The following DOCK9 variants were observed in gnomAD, a reference collection of about 807,000 sequenced individuals.
The protein encoded by DOCK9 is dedicator of cytokinesis 9, also known as dedicator of cytokinesis protein 9.
DOCK9 carries 89 observed loss-of-function variants against 263.3 expected under a neutral mutation model. The ratio of observed to expected loss-of-function variants is 0.34; its 90% CI spans 0.28 to 0.40. DOCK9 has a LOEUF of 0.40. DOCK9 is among the 10% of genes least tolerant of loss of function. The pLI, the probability that DOCK9 is intolerant of heterozygous loss-of-function variation, is 1.00. For missense variants in DOCK9, 2,140 were observed against 2,603.4 expected (o/e 0.82, Z 3.87); for synonymous variants, 976 against 973.1 (o/e 1.00, Z -0.06).
At chr13:99,033,591 G>A (rs370463202) in intron 1 of DOCK9, among the ~76,000 whole-genome samples, 1 of 152,284 alleles carries the variant, frequency 6.6e-6, no homozygotes, top group African/African-American at 2.4e-5. Flanking sequence ...ATCTTTGATC[G>A]CGCAGGTGGT....
At chr13:98,938,144 C>G (rs1380066331) in intron 2 of DOCK9, among the ~76,000 whole-genome samples, 1 of 152,228 alleles carries the variant, frequency 6.6e-6, no homozygotes, top group African/African-American at 2.4e-5. Flanking sequence ...CAGTAGCAGC[C>G]AATACGTTAC....
intron 1 of DOCK9, among the ~76,000 whole-genome samples, chr13:99,070,931 AC>A (rs1200014869): frequency 1.3e-5 from 2 of 152,230 alleles, no homozygotes; most frequent in African/African-American, 4.8e-5. Context: ...TTTTCCGTGA[AC>A]AAAATATTGC....
Position 98,901,802 on chromosome 13 carries a change from A to G in DOCK9, c.1479T>C (p.Tyr493=). 1 of 1,612,846 alleles carries G rather than the reference A, an allele frequency of 6.2e-7. No homozygotes were observed. Among genetic ancestry groups the G allele is most frequent in the Non-Finnish European group, 8.5e-7 (1 of 1,179,380 alleles). Residue 493 remains tyrosine, a synonymous_variant, in exon 13 of 53, where the codon TAT becomes TAC. Coordinates refer to ENST00000682017, the MANE Select transcript of DOCK9 (RefSeq NM_001366683.2). ...QGSITHCAEP[Y]MKSSDSSKVA... is the part of the protein sequence containing the mutation. Reference sequence around the variant, plus strand: ...CCTTAGAAGAGTCTGAACTTTTCATATATGGCTCAGCGCAATGTGTGATGC... The same window carrying G: ...CCTTAGAAGAGTCTGAACTTTTCATGTATGGCTCAGCGCAATGTGTGATGC...
chr13:99,001,263 G>T (rs1882248717), intron 1 of DOCK9, among the ~76,000 whole-genome samples: 1 of 152,088 alleles, frequency 6.6e-6, no homozygotes, highest in African/African-American at 2.4e-5. Context: ...ACTTAAATTT[G>T]GTTTCAAAAT....
rs776458318 is a variant in DOCK9 at position 98,829,429 on chromosome 13, G to T, written c.4843C>A (p.Pro1615Thr). 9.2e-5 allele frequency: 148 copies of T among 1,613,840 alleles called. No homozygotes were observed. Among genetic ancestry groups the T allele is most frequent in the Non-Finnish European group, 1.2e-4 (143 of 1,179,898 alleles). Residue 1615 changes from proline (P) to threonine (T), a missense_variant, in exon 43 of 53, where the codon CCA becomes ACA. By Grantham distance (38) the Pro-to-Thr change is conservative. Transcript: ENST00000682017. This position sits in a 1 kb window ranked among gnomAD's most constrained non-coding sequence, Gnocchi z 4.1. ...TAQMKEHEND[P>T]EMLVDLQYSL... ...TACTGGAGGTCCACCAGCATCTCTGGGTCGTTCTCATGCTCCTTCATCTGG... is the reference window on the plus strand; with the variant it reads ...TACTGGAGGTCCACCAGCATCTCTGTGTCGTTCTCATGCTCCTTCATCTGG...
chr13:98,922,140 C>T lies in DOCK9; in HGVS notation c.493G>A (p.Ala165Thr). 6.3e-7 allele frequency: 1 copy of T among 1,592,340 alleles called. No homozygotes were observed. The highest frequency in any genetic ancestry group is 8.6e-7 in the Non-Finnish European group (1 of 1,169,376). Reference sequence around the variant, plus strand: ...CCACCCTTCTGGGAACCAAGGGAGGCAGCATCCTAGGAGAGAAGGAAAACA... The same window carrying T: ...CCACCCTTCTGGGAACCAAGGGAGGTAGCATCCTAGGAGAGAAGGAAAACA... ...DEEVDKDEDA[A>T]SLGSQKGGIT... The change falls in exon 6 of 53, where the codon GCC (alanine) becomes ACC (threonine). Residue 165 changes from alanine to threonine, a missense_variant. This residue lies in a region of DOCK9 where 1,521 missense variants were observed against 1,741.7 expected (regional missense o/e 0.87). Transcript: ENST00000682017.
chr13:99,087,423 T>TG (rs2042372941), upstream of DOCK9, among the ~76,000 whole-genome samples: 1 of 151,944 alleles, frequency 6.6e-6, no homozygotes, highest in Non-Finnish European at 1.5e-5. Context: ...CGGCCCTCAC[T>TG]GGGGCCGATT....
chr13:98,819,584 G>C lies in DOCK9; in HGVS notation c.5130+4814C>G, dbSNP rs2092134460. Among the ~76,000 whole-genome samples the C allele has an allele frequency of 2.0e-5, 3 of 152,316 alleles. No homozygotes were observed. In the South Asian group the frequency reaches 6.2e-4, roughly 32 times the overall value. ...AAATGAAGTAGGGCAGTATGTGCTG[G>C]CATCCGGCAAAGGCAGAACAGCCAC... On this transcript the variant is annotated intron_variant, in intron 45 of 52. Coordinates refer to ENST00000682017, the MANE Select transcript of DOCK9 (RefSeq NM_001366683.2).
At chr13:98,868,135 C>T in intron 28 of DOCK9, 96 bp downstream of exon 28, 1 of 1,551,880 alleles carries the variant, frequency 6.4e-7, no homozygotes. Context: ...TCAACATTGC[C>T]AGAGCACCTA....
At chr13:98,933,444 A>G (rs1308571887) in intron 2 of DOCK9, among the ~76,000 whole-genome samples, 3 of 152,048 alleles carry the variant, frequency 2.0e-5, no homozygotes, top group Non-Finnish European at 4.4e-5. Flanking sequence ...TATGTTCCAC[A>G]GGAGGAGAGA....
intron 2 of DOCK9, among the ~76,000 whole-genome samples, chr13:98,944,382 G>GGAGAA (rs1469952703): frequency 1.4e-5 from 1 of 73,178 alleles, no homozygotes; most frequent in Non-Finnish European, 2.6e-5. Context: ...CACTATATGA[G>GGAGAA]AAAAAAAAAA....
intron 15 of DOCK9, among the ~76,000 whole-genome samples, chr13:98,896,348 T>C (rs1433259842): frequency 2.0e-5 from 3 of 152,198 alleles, no homozygotes; most frequent in Non-Finnish European, 2.9e-5. Context: ...TCAGAACTTA[T>C]TGAGCCTGTT....
intron 6 of DOCK9, 72 bp downstream of exon 6, chr13:98,921,979 T>G: frequency 4.0e-6 from 5 of 1,263,682 alleles, no homozygotes; most frequent in Non-Finnish European, 5.6e-6. Flanking sequence ...GCATTCATCT[T>G]GAGCATTGTT....
At chr13:99,050,545 T>C (rs923038111) in intron 1 of DOCK9, among the ~76,000 whole-genome samples, 4 of 151,998 alleles carry the variant, frequency 2.6e-5, no homozygotes, top group African/African-American at 9.7e-5. Context: ...TACAAAAAAT[T>C]AGCCAGACGT....
chr13:98,922,044 T>A lies in DOCK9; in HGVS notation c.582+7A>T. On this transcript the variant is annotated splice_region_variant and intron_variant, in intron 6 of 52. Coordinates refer to ENST00000682017, the MANE Select transcript of DOCK9 (RefSeq NM_001366683.2). ...AGAGGGGAGGGCAAAGTGATGTGCG[T>A]CCTCACCCTCATGGTCACGCTGATG... 1 of 1,583,792 alleles carries A rather than the reference T, an allele frequency of 6.3e-7. No individual in the cohort carries two copies. Among genetic ancestry groups the A allele is most frequent in the Non-Finnish European group, 8.6e-7 (1 of 1,163,828 alleles).
chr13:98,890,061 G>T (rs1270790312), intron 15 of DOCK9, among the ~76,000 whole-genome samples: 1 of 151,796 alleles, frequency 6.6e-6, no homozygotes, highest in Admixed American at 6.6e-5. Context: ...TTTAATTTTT[G>T]TCTTGCTGAA....
intron 52 of DOCK9, chr13:98,796,236 G>GA (rs1203437529): frequency 5.7e-6 from 9 of 1,580,630 alleles, no homozygotes; most frequent in African/African-American, 2.7e-5. Flanking sequence ...GCATGGAGGA[G>GA]AAAAAAAGCA....
At chr13:98,852,251 G>A (rs1470335121) in intron 35 of DOCK9, among the ~76,000 whole-genome samples, 1 of 152,162 alleles carries the variant, frequency 6.6e-6, no homozygotes, top group South Asian at 2.1e-4. Context: ...ATGAGACTAA[G>A]TGCCCTGTGC....
intron 2 of DOCK9, among the ~76,000 whole-genome samples, chr13:98,951,058 A>G (rs2057353737): frequency 6.6e-6 from 1 of 152,182 alleles, no homozygotes; most frequent in Non-Finnish European, 1.5e-5. Context: ...CTTTTAATCT[A>G]AAGGTCATTA....
Sources: gnomAD v4.1 joint callset for allele counts (sites outside exome capture counted in the v4.1 genomes callset) on GRCh38, gnomAD v4.1.1 for gene constraint, gnomAD v4.1.1 regional missense constraint, Gnocchi (gnomAD v3.1) non-coding constraint, MANE v1.5 for transcripts, NCBI Gene and HGNC (gene_info 2026-07-23, HGNC 2026-07-21) for gene names.